Variants in PTGFRN observed in about 807,000 individuals in gnomAD.
PTGFRN encodes prostaglandin F2 receptor negative regulator.
In PTGFRN, 35 loss-of-function variants were observed where a neutral mutation model predicts 83.2. The observed-to-expected ratio is 0.42, with a 90% CI of 0.32 to 0.56. The LOEUF (loss-of-function observed/expected upper bound fraction) is 0.56, where lower values mean the gene tolerates loss of function less well. PTGFRN is among the 20% of genes least tolerant of loss of function. PTGFRN has a pLI of 0.11. For missense variants in PTGFRN, 1,051 were observed against 1,179.5 expected (o/e 0.89, Z 1.60); for synonymous variants, 519 against 498.6 (o/e 1.04, Z -0.55).
At chr1:116,937,311 G>A (rs934718348) in intron 1 of PTGFRN, among the ~76,000 whole-genome samples, 4 of 152,224 alleles carry the variant, frequency 2.6e-5, no homozygotes, top group Non-Finnish European at 4.4e-5. Flanking sequence ...GGAAGTGATT[G>A]GAGACCTTTG....
rs750524023 is a variant in PTGFRN at position 116,944,768 on chromosome 1, A to ACCGCCG, written c.511_516dup (p.Ala171_Ala172dup). 3.2e-6 allele frequency: 5 copies of ACCGCCG among 1,555,084 alleles called. No individual in the cohort carries two copies. The Admixed American group carries it at 9.3e-5, about 29-fold the overall frequency. ...GGGGGAGCCCTTCGAGCTGCGCTGC[A>ACCGCCG]CCGCCGCCTCCGCCTCGCCGCTGCA... On this transcript the variant is annotated inframe_insertion, in exon 3 of 9. Coordinates refer to ENST00000393203, the MANE Select transcript of PTGFRN (RefSeq NM_020440.4).
chr1:116,984,648 T>C (rs2101092880), intron 7 of PTGFRN, 32 bp from the exon 8 acceptor site: 1 of 1,601,184 alleles, frequency 6.2e-7, no homozygotes, highest in Non-Finnish European at 8.5e-7. Flanking sequence ...CCCATTGCAC[T>C]GACCCCAGGG....
At chr1:116,944,135 C>T (rs1394167947) in intron 2 of PTGFRN, among the ~76,000 whole-genome samples, 1 of 152,242 alleles carries the variant, frequency 6.6e-6, no homozygotes, top group Non-Finnish European at 1.5e-5. Flanking sequence ...CTCATGCCAT[C>T]CTTTCTCCCC....
chr1:116,951,374 T>C (rs1184733054), intron 4 of PTGFRN, among the ~76,000 whole-genome samples: 1 of 152,224 alleles, frequency 6.6e-6, no homozygotes, highest in East Asian at 1.9e-4. Flanking sequence ...TTGTTTTCCT[T>C]TGGAGTGCTA....
At chr1:116,932,559 TAAAATA>T (rs1649825736) in intron 1 of PTGFRN, among the ~76,000 whole-genome samples, 1 of 152,200 alleles carries the variant, frequency 6.6e-6, no homozygotes, top group Admixed American at 6.5e-5. Flanking sequence ...TGGTATCACT[TAAAATA>T]ACAAAGGTAG....
chr1:116,947,027 A>G (rs1251812743), intron 3 of PTGFRN, among the ~76,000 whole-genome samples: 3 of 152,198 alleles, frequency 2.0e-5, no homozygotes, highest in Non-Finnish European at 1.5e-5. Flanking sequence ...AGGAGATGCT[A>G]TATTTCAGGT....
intron 2 of PTGFRN, 136 bp from the exon 3 acceptor site, chr1:116,944,543 G>A (rs75012670): frequency 0.13 from 115,556 of 860,388 alleles, 8,276 homozygotes; most frequent in African/African-American, 0.21. Flanking sequence ...GATGAATCCA[G>A]TTGGGAAAAC....
At chr1:116,977,877 G>A (rs879584544) in intron 7 of PTGFRN, among the ~76,000 whole-genome samples, 5 of 152,070 alleles carry the variant, frequency 3.3e-5, no homozygotes, top group African/African-American at 4.8e-5. Flanking sequence ...AGATCAGAGC[G>A]GAGCTGAAGG....
intron 1 of PTGFRN, among the ~76,000 whole-genome samples, chr1:116,938,033 G>A (rs1355001080): frequency 6.6e-6 from 1 of 152,164 alleles, no homozygotes; most frequent in Non-Finnish European, 1.5e-5. Context: ...TCTTCTAGAA[G>A]ATCTCATTGG....
At chr1:116,936,354 C>T (rs1434982244) in intron 1 of PTGFRN, among the ~76,000 whole-genome samples, 1 of 152,224 alleles carries the variant, frequency 6.6e-6, no homozygotes, top group Non-Finnish European at 1.5e-5. Context: ...CATCCTAGTT[C>T]TGCATGCAAG....
chr1:116,962,709 C>G (rs1650699734), intron 5 of PTGFRN, among the ~76,000 whole-genome samples: 1 of 152,184 alleles, frequency 6.6e-6, no homozygotes, highest in Non-Finnish European at 1.5e-5. Flanking sequence ...GTCTCAATTT[C>G]AAGCATCCTG....
In PTGFRN at chr1:116,984,907, G is replaced by C. The variant is rs758977513; in HGVS notation, c.2395G>C (p.Val799Leu). The change falls in exon 8 of 9, where the codon GTG becomes CTG. Residue 799 changes from valine to leucine, a missense_variant. Physicochemically the swap from Val to Leu is conservative, Grantham distance 32. This residue lies in a region of PTGFRN where 719 missense variants were observed against 836.6 expected (regional missense o/e 0.86). Coordinates refer to ENST00000393203, the MANE Select transcript of PTGFRN (RefSeq NM_020440.4). ...GNYYCSVTPW[V>L]KSPTGSWQKE... is the part of the protein sequence containing the mutation. The stretch of plus-strand genomic sequence containing the variant: ...CTACTACTGTTCCGTGACTCCATGG[G>C]TGAAGTCACCAACAGGTTCCTGGCA... 6.2e-7 allele frequency: 1 copy of C among 1,614,174 alleles called. No individual in the cohort carries two copies. Among genetic ancestry groups the C allele is most frequent in the Non-Finnish European group, 8.5e-7 (1 of 1,180,002 alleles).
In PTGFRN at chr1:116,936,842, C is replaced by G. The variant is rs550089045; in HGVS notation, c.50-4873C>G. 3.3e-5 allele frequency among the ~76,000 whole-genome samples: 5 copies of G among 152,212 alleles called. No individual in the cohort carries two copies. The South Asian group carries it at 1.0e-3, about 32-fold the overall frequency. ...TTGAACAACTACTATTTTACCAGGTCCTGTTCTAGGCACTGTCATTCAGCA... is the reference window on the plus strand; with the variant it reads ...TTGAACAACTACTATTTTACCAGGTGCTGTTCTAGGCACTGTCATTCAGCA... On this transcript the variant is annotated intron_variant, in intron 1 of 8. Transcript: ENST00000393203.
intron 1 of PTGFRN, among the ~76,000 whole-genome samples, chr1:116,922,445 T>C (rs1236118500): frequency 6.6e-6 from 1 of 152,162 alleles, no homozygotes; most frequent in African/African-American, 2.4e-5. Flanking sequence ...TCATTACCAT[T>C]TATCCCACAA....
intron 1 of PTGFRN, among the ~76,000 whole-genome samples, chr1:116,917,018 G>A (rs1252497822): frequency 1.3e-5 from 2 of 152,082 alleles, no homozygotes; most frequent in Non-Finnish European, 2.9e-5. Context: ...AGAAGTACTG[G>A]GAGAGCACGC....
At chr1:116,937,841 G>T (rs558898894) in intron 1 of PTGFRN, among the ~76,000 whole-genome samples, 2 of 152,252 alleles carry the variant, frequency 1.3e-5, no homozygotes, top group Admixed American at 6.5e-5. Flanking sequence ...GCACATAACC[G>T]CAGCCCCTTG....
At chr1:116,984,316 G>C (rs369671256) in intron 7 of PTGFRN, among the ~76,000 whole-genome samples, 1 of 151,966 alleles carries the variant, frequency 6.6e-6, no homozygotes, top group African/African-American at 2.4e-5. Flanking sequence ...ACCAGCTTTC[G>C]GATCAGTGTT....
chr1:116,959,858 C>T (rs143817444), intron 4 of PTGFRN, among the ~76,000 whole-genome samples: 129 of 152,084 alleles, frequency 8.5e-4, no homozygotes, highest in African/African-American at 3.0e-3. Context: ...TTCCTGAATT[C>T]CCAGCTATTT....
At chr1:116,949,636 G>A in intron 4 of PTGFRN, 64 bp downstream of exon 4, 1 of 1,540,086 alleles carries the variant, frequency 6.5e-7, no homozygotes, top group Non-Finnish European at 8.7e-7. Flanking sequence ...GTTATCTGAA[G>A]GAGTTATCTC....
Sources: allele counts gnomAD v4.1 joint callset (sites outside exome capture counted in the v4.1 genomes callset), GRCh38; gene constraint gnomAD v4.1.1; regional missense constraint gnomAD v4.1.1; transcripts MANE v1.5; gene names NCBI Gene and HGNC (gene_info 2026-07-23, HGNC 2026-07-21).